The following H2BC18 variants were observed in gnomAD, a reference collection of about 807,000 sequenced individuals.
The protein encoded by H2BC18 is histone H2B type 2-F.
Under a neutral mutation model 6.3 loss-of-function variants are expected in H2BC18, and 8 were observed. That is an observed-to-expected ratio of 1.28 (90% CI 0.75 to 2.31). The LOEUF is 2.31. Ranked by LOEUF, H2BC18 falls within the 30% of genes most tolerant of loss-of-function variation. The probability of loss-of-function intolerance (pLI) is 0.00; values close to 1 mark genes in which losing one functional copy is unlikely to be tolerated. For missense variants in H2BC18, 106 were observed against 174.5 expected, an observed-to-expected ratio of 0.61 and a Z score of 2.21; for synonymous variants, 104 against 78.1, an observed-to-expected ratio of 1.33 and a Z score of -1.75.
At chr1:149,802,930 G>C (rs587753638) in intron 1 of H2BC18, among the ~76,000 whole-genome samples, 1 of 152,300 alleles carries the variant, frequency 6.6e-6, no homozygotes, top group South Asian at 2.1e-4. Context: ...CCTGGCAGCC[G>C]ACTGGATGGT....
chr1:149,789,074 C>T (rs782330270), intron 1 of H2BC18, among the ~76,000 whole-genome samples: 3 of 151,740 alleles, frequency 2.0e-5, no homozygotes, highest in Non-Finnish European at 4.4e-5. Flanking sequence ...TCTTCCTGAG[C>T]ATCTGCAGGC....
chr1:149,810,940 T>C (rs1324692301), downstream of H2BC18: 2 of 152,208 alleles, frequency 1.3e-5, no homozygotes, highest in Non-Finnish European at 1.5e-5. Flanking sequence ...CAAAGGTGAC[T>C]CTTATAATTG....
At chr1:149,804,817 A>C (rs2091903002) in intron 1 of H2BC18, among the ~76,000 whole-genome samples, 2 of 152,006 alleles carry the variant, frequency 1.3e-5, no homozygotes, top group Admixed American at 6.6e-5. Context: ...CCAAGGTCAT[A>C]CAGTCCTTAC....
chr1:149,808,951 A>G (rs2091948082), downstream of H2BC18, among the ~76,000 whole-genome samples: 1 of 150,658 alleles, frequency 6.6e-6, no homozygotes, highest in Non-Finnish European at 1.5e-5. Context: ...GACTTTTAGA[A>G]CAGCTTTAGG....
chr1:149,787,199 A>C (rs1393481945), intron 1 of H2BC18: 1 of 152,254 alleles, frequency 6.6e-6, no homozygotes, highest in Non-Finnish European at 1.5e-5. Flanking sequence ...GCATTATATC[A>C]GTATCCATGA....
At chr1:149,795,944 T>G (rs1354089904) in intron 1 of H2BC18, among the ~76,000 whole-genome samples, 3 of 151,018 alleles carry the variant, frequency 2.0e-5, no homozygotes, top group Non-Finnish European at 4.4e-5. Context: ...CACATATACA[T>G]TAAGCTTGGC....
At chr1:149,811,185 T>C (rs2091968435), downstream of H2BC18, 1 of 152,270 alleles carries the variant, frequency 6.6e-6, no homozygotes, top group South Asian at 2.1e-4. Flanking sequence ...GGTAGCTCTT[T>C]GTCCCCCCAG....
downstream of H2BC18, among the ~76,000 whole-genome samples, chr1:149,807,766 T>A (rs1474516880): frequency 4.0e-5 from 6 of 151,802 alleles, no homozygotes; most frequent in African/African-American, 1.5e-4. Flanking sequence ...ATTGTGCCAC[T>A]GCACTCCAGC....
downstream of H2BC18, chr1:149,810,973 G>A (rs2091966217): frequency 6.6e-6 from 1 of 152,168 alleles, no homozygotes. Flanking sequence ...ACCAAGACAG[G>A]GTTCTTGTCC....
At chr1:149,782,894 T>G (rs2091456679) in exon 2 of H2BC18, 1 of 1,603,510 alleles carries the variant, frequency 6.2e-7, no homozygotes, top group African/African-American at 1.3e-5. Context: ...AACTTGTATC[T>G]GTGCTTCCAT....
chr1:149,807,821 A>AAGAGAGAG (rs587706663), downstream of H2BC18, among the ~76,000 whole-genome samples: 1 of 133,172 alleles, frequency 7.5e-6, no homozygotes, highest in Admixed American at 7.1e-5. Flanking sequence ...AGAAGAAAGA[A>AAGAGAGAG]AGAGAGAGAG....
At position 149,791,333 on chromosome 1, in the gene H2BC18, G is replaced by C. The variant is rs782220562; in HGVS notation, c.378-8073C>G. 5 of 1,589,490 alleles carry C rather than the reference G, an allele frequency of 3.1e-6. 1 individual carries two copies. The East Asian group carries it at 1.1e-4, about 36-fold the overall frequency. On this transcript the variant is annotated intron_variant, in intron 1 of 1. Coordinates refer to the H2BC18 transcript ENST00000545683. ...AACACTGTTCTCTGGGTGACAATAC[G>C]TAAAGAACTGAAAAGAAAGAAAAAG...
chr1:149,799,120 C>T (rs1425956884), intron 1 of H2BC18, among the ~76,000 whole-genome samples: 13 of 141,734 alleles, frequency 9.2e-5, no homozygotes, highest in African/African-American at 3.5e-4. Flanking sequence ...ACATGACCAC[C>T]TTTGCTTCCA....
At chr1:149,796,692 A>C (rs2091804262) in intron 1 of H2BC18, among the ~76,000 whole-genome samples, 1 of 152,174 alleles carries the variant, frequency 6.6e-6, no homozygotes, top group Non-Finnish European at 1.5e-5. Flanking sequence ...CAATTATTTT[A>C]TCCTTTCATT....
intron 1 of H2BC18, chr1:149,785,957 T>C (rs1379917478): frequency 6.6e-6 from 1 of 152,190 alleles, no homozygotes; most frequent in African/African-American, 2.4e-5. Flanking sequence ...GTGAACTGTA[T>C]ACATGTTGTA....
intron 1 of H2BC18, among the ~76,000 whole-genome samples, chr1:149,804,138 C>T (rs1187453487): frequency 9.2e-5 from 14 of 151,938 alleles, no homozygotes; most frequent in Admixed American, 8.5e-4. Context: ...ATTTCTATTC[C>T]CTTGACTTGT....
chr1:149,811,730 C>T (rs1463472818), downstream of H2BC18: 4 of 678,322 alleles, frequency 5.9e-6, no homozygotes, highest in African/African-American at 5.5e-5. Context: ...TAAGACTGGA[C>T]GGGGATGACT....
rs59487657 is a variant in H2BC18 at position 149,795,251 on chromosome 1, A to AAAATAAAT, written c.378-11999_378-11992dup. 5.7e-3 allele frequency among the ~76,000 whole-genome samples: 617 copies of AAAATAAAT among 108,686 alleles called. 25 individuals are homozygous for AAAATAAAT. Among genetic ancestry groups the AAAATAAAT allele is most frequent in the East Asian group, 0.017 (72 of 4,310 alleles). 71.3% of individuals were successfully genotyped at this position (108,686 alleles called of 152,430 possible). ...GGTGGCAGAGGGAAACCCTGTCTCA[A>AAAATAAAT]AAATAAATAAATAAATAAATAAATA... On this transcript the variant is annotated intron_variant, in intron 1 of 1. Coordinates refer to the H2BC18 transcript ENST00000545683.
chr1:149,799,303 T>A (rs2101464553), intron 1 of H2BC18, among the ~76,000 whole-genome samples: 1 of 152,132 alleles, frequency 6.6e-6, no homozygotes, highest in Admixed American at 6.5e-5. Context: ...GAGTTGGATG[T>A]AAATTTGACT....
Sources: gnomAD v4.1 joint callset for allele counts (sites outside exome capture counted in the v4.1 genomes callset) on GRCh38, gnomAD v4.1.1 for gene constraint, MANE v1.5 for transcripts, NCBI Gene and HGNC (gene_info 2026-07-23, HGNC 2026-07-21) for gene names.